Variants in QSOX1 observed in about 807,000 individuals in gnomAD.
The protein encoded by QSOX1 is sulfhydryl oxidase 1.
Under a neutral mutation model 76.1 loss-of-function variants are expected in QSOX1, and 40 were observed. The ratio of observed to expected loss-of-function variants is 0.53; its 90% CI spans 0.41 to 0.68. The LOEUF is 0.68. Ranked by LOEUF, QSOX1 falls within the 30% of genes least tolerant of loss-of-function variation. The probability of loss-of-function intolerance (pLI) is 0.00; values close to 1 mark genes in which losing one functional copy is unlikely to be tolerated. For missense variants in QSOX1, 931 were observed against 974.3 expected (o/e 0.96, Z 0.59); for synonymous variants, 392 against 413.1 (o/e 0.95, Z 0.62).
chr1:180,175,387 G>C (rs759527572), intron 3 of QSOX1, 21 bp downstream of exon 3: 1 of 1,611,954 alleles, frequency 6.2e-7, no homozygotes. Flanking sequence ...AGCTCTGGTT[G>C]TCCTGTTAGC....
Position 180,196,064 on chromosome 1 carries a change from C to T in QSOX1, c.1469-198C>T, listed in dbSNP as rs565089612. Among the ~76,000 whole-genome samples, 16 of 152,280 alleles carry T rather than the reference C, an allele frequency of 1.1e-4. No homozygotes were observed. Among genetic ancestry groups the T allele is most frequent in the Non-Finnish European group, 1.8e-4 (12 of 68,022 alleles). ...TGAGGGGTAGGTGGATCTGCCTCCTCCTCCATGCTGCCATCTGTTGAGCTC... is the reference window on the plus strand; with the variant it reads ...TGAGGGGTAGGTGGATCTGCCTCCTTCTCCATGCTGCCATCTGTTGAGCTC... On this transcript the variant is annotated intron_variant, in intron 11 of 11. Transcript: ENST00000367602. This position sits in a 1 kb window ranked among gnomAD's most constrained non-coding sequence, Gnocchi z 4.1.
At position 180,155,057 on chromosome 1, in the gene QSOX1, G is replaced by T. The variant is rs752394696; in HGVS notation, c.150G>T (p.Val50=). 1.3e-5 allele frequency: 19 copies of T among 1,514,232 alleles called. No homozygotes were observed. Among genetic ancestry groups the T allele is most frequent in the African/African-American group, 1.4e-5 (1 of 69,630 alleles). The allele number at this position is 1,514,232 out of a possible 1,614,324, so 93.8% of individuals were successfully genotyped here. ...TGACGCTGCTGCAGGCGGACACGGTGCGCGGCGCGGTGCTGGGCTCCCGCA... is the reference window on the plus strand; with the variant it reads ...TGACGCTGCTGCAGGCGGACACGGTTCGCGGCGCGGTGCTGGGCTCCCGCA... The part of the protein sequence containing the change: ...DPLTLLQADT[V]RGAVLGSRSA... Residue 50 remains valine, a synonymous_variant, in exon 1 of 12, where the codon GTG becomes GTT. Coordinates refer to ENST00000367602, the MANE Select transcript of QSOX1 (RefSeq NM_002826.5).
In QSOX1 at chr1:180,166,481, G is replaced by A; in HGVS notation, c.266-10G>A. 6.2e-7 allele frequency: 1 copy of A among 1,613,040 alleles called. No homozygotes were observed. The highest frequency in any genetic ancestry group is 8.5e-7 in the Non-Finnish European group (1 of 1,179,434). On this transcript the variant is annotated splice_polypyrimidine_tract_variant and intron_variant, in intron 1 of 11. Coordinates refer to ENST00000367602, the MANE Select transcript of QSOX1 (RefSeq NM_002826.5). ...CCTCTTATTTACCCCTGGGTTTTTTGTCCTTTCAGCCTGGAGGCCGGCCCT... is the reference window on the plus strand; with the variant it reads ...CCTCTTATTTACCCCTGGGTTTTTTATCCTTTCAGCCTGGAGGCCGGCCCT...
At chr1:180,194,996 C>CGGT (rs796069361) in intron 11 of QSOX1, among the ~76,000 whole-genome samples, 3 of 136,064 alleles carry the variant, frequency 2.2e-5, no homozygotes, top group East Asian at 2.4e-4. Flanking sequence ...GACAGCCTCC[C>CGGT]GGGGGGGGGA....
chr1:180,154,993 C>A lies in QSOX1; in HGVS notation c.86C>A (p.Ala29Glu). 1 of 1,509,546 alleles carries A rather than the reference C, an allele frequency of 6.6e-7. No individual in the cohort carries two copies. Among genetic ancestry groups the A allele is most frequent in the Non-Finnish European group, 8.8e-7 (1 of 1,136,622 alleles). The allele number at this position is 1,509,546 out of a possible 1,614,324, so 93.5% of individuals were successfully genotyped here. A position where few individuals can be genotyped will look rare whatever the true frequency, so the allele number is the denominator to read the frequency against. ...LWLLAVPGANAAPRSALYSPS... is the reference protein window; with the variant it reads ...LWLLAVPGANEAPRSALYSPS... ...CTGCTCGCGGTTCCCGGCGCTAACG[C>A]GGCCCCGCGGTCGGCGCTCTATTCG... The change falls in exon 1 of 12, where the codon GCG becomes GAG. Residue 29 changes from alanine to glutamate, a missense_variant. Physicochemically the swap from Ala to Glu is moderately radical, Grantham distance 107 (BLOSUM62 -1). Transcript: ENST00000367602.
At position 180,203,217 on chromosome 1, in the gene QSOX1, T is replaced by A. The variant is rs1452988829; in HGVS notation, c.*6180T>A. 1 of 152,260 alleles carries A rather than the reference T, an allele frequency of 6.6e-6. No homozygotes were observed. Among genetic ancestry groups the A allele is most frequent in the Non-Finnish European group, 1.5e-5 (1 of 68,048 alleles). 9.4% of individuals were successfully genotyped at this position (152,260 alleles called of 1,614,324 possible). ...TGAGCTAGGTCTGCATTTATTGACC[T>A]GATAAAATGTCCCAAGAAGGACACA... On this transcript the variant is annotated 3_prime_UTR_variant, in exon 12 of 12. Coordinates refer to ENST00000367602, the MANE Select transcript of QSOX1 (RefSeq NM_002826.5).
chr1:180,170,280 G>T, intron 2 of QSOX1, among the ~76,000 whole-genome samples: 1 of 152,182 alleles, frequency 6.6e-6, no homozygotes, highest in East Asian at 1.9e-4. Context: ...AAGGAGGTGG[G>T]CCCCTTTCTC....
rs1663478499 is a variant in QSOX1 at position 180,196,094 on chromosome 1, T to G, written c.1469-168T>G. On this transcript the variant is annotated intron_variant, in intron 11 of 11. Coordinates refer to ENST00000367602, the MANE Select transcript of QSOX1 (RefSeq NM_002826.5). This position sits in a 1 kb window ranked among gnomAD's most constrained non-coding sequence, Gnocchi z 4.1. ...ATGCTGCCATCTGTTGAGCTCCCAC[T>G]GTGGGCTAGTGTTTGTAATCTGTAT... is the stretch of plus-strand genomic sequence containing the variant. Among the ~76,000 whole-genome samples, 1 of 152,174 alleles carries G rather than the reference T, an allele frequency of 6.6e-6. No homozygotes were observed. The highest frequency in any genetic ancestry group is 1.5e-5 in the Non-Finnish European group (1 of 68,034).
At position 180,181,594 on chromosome 1, in the gene QSOX1, C is replaced by T. The variant is rs147941100; in HGVS notation, c.607-580C>T. Among the ~76,000 whole-genome samples, 722 of 152,218 alleles carry T rather than the reference C, an allele frequency of 4.7e-3. 2 individuals are homozygous for T. Among genetic ancestry groups the T allele is most frequent in the Middle Eastern group, 6.8e-3 (2 of 294 alleles). ...AAATTTGTTACCATATGTATTTGAACGCAATAAAATCACAGTTCTTTAAAC... is the reference window on the plus strand; with the variant it reads ...AAATTTGTTACCATATGTATTTGAATGCAATAAAATCACAGTTCTTTAAAC... On this transcript the variant is annotated intron_variant, in intron 5 of 11. Transcript: ENST00000367602.
intron 1 of QSOX1, among the ~76,000 whole-genome samples, chr1:180,163,071 G>C (rs1477879652): frequency 6.6e-6 from 1 of 150,520 alleles, no homozygotes; most frequent in Non-Finnish European, 1.5e-5. Context: ...AGAAAACCTT[G>C]TTTTAACAGA....
chr1:180,170,830 G>C (rs1008918157), intron 2 of QSOX1, among the ~76,000 whole-genome samples: 1 of 152,252 alleles, frequency 6.6e-6, no homozygotes, highest in African/African-American at 2.4e-5. Context: ...CAGCTGAACA[G>C]ATGTCTATTG....
chr1:180,190,218 T>G (rs556257417), intron 9 of QSOX1, among the ~76,000 whole-genome samples: 2 of 152,310 alleles, frequency 1.3e-5, no homozygotes, highest in Admixed American at 1.3e-4. Context: ...GCTGGGGAAG[T>G]TGAGGCTGGA....
intron 7 of QSOX1, among the ~76,000 whole-genome samples, 184 bp downstream of exon 7, chr1:180,184,234 C>T (rs753215093): frequency 2.0e-5 from 3 of 152,168 alleles, no homozygotes; most frequent in Non-Finnish European, 2.9e-5. Flanking sequence ...TGTGTGGGAG[C>T]GGCATTTAGC....
intron 2 of QSOX1, among the ~76,000 whole-genome samples, chr1:180,173,424 T>C (rs185773944): frequency 6.6e-5 from 10 of 152,364 alleles, no homozygotes; most frequent in Admixed American, 3.3e-4. Flanking sequence ...AACATAATTT[T>C]AATAGGCCAA....
At chr1:180,169,457 G>T (rs1029971166) in intron 2 of QSOX1, among the ~76,000 whole-genome samples, 1 of 152,208 alleles carries the variant, frequency 6.6e-6, no homozygotes, top group African/African-American at 2.4e-5. Flanking sequence ...ACTGTGTGTG[G>T]CTTGGAAAGT....
chr1:180,184,827 T>G (rs529613804), intron 7 of QSOX1, among the ~76,000 whole-genome samples: 1 of 152,090 alleles, frequency 6.6e-6, no homozygotes, highest in Non-Finnish European at 1.5e-5. Flanking sequence ...TGAGGGACTT[T>G]AAGGGTGGAA....
chr1:180,172,843 G>A (rs1341280501), intron 2 of QSOX1, among the ~76,000 whole-genome samples: 1 of 152,040 alleles, frequency 6.6e-6, no homozygotes, highest in Non-Finnish European at 1.5e-5. Flanking sequence ...TTTGGTAGAA[G>A]TAATGCAAGC....
chr1:180,176,293 A>G (rs1057113709), intron 4 of QSOX1, among the ~76,000 whole-genome samples: 26 of 152,292 alleles, frequency 1.7e-4, no homozygotes, highest in African/African-American at 6.0e-4. Context: ...GGTCCATCCC[A>G]CCAGGTGGGA....
At chr1:180,164,940 G>A (rs75121681) in intron 1 of QSOX1, among the ~76,000 whole-genome samples, 9,277 of 152,166 alleles carry the variant, frequency 0.061, 369 homozygotes, top group East Asian at 0.16. Flanking sequence ...GTTGGGAAGT[G>A]CCACCCTATT....
Sources: gnomAD v4.1 joint callset for allele counts (sites outside exome capture counted in the v4.1 genomes callset) on GRCh38, gnomAD v4.1.1 for gene constraint, Gnocchi (gnomAD v3.1) non-coding constraint, MANE v1.5 for transcripts, NCBI Gene and HGNC (gene_info 2026-07-23, HGNC 2026-07-21) for gene names.